The following IPCEF1 variants were observed in gnomAD, a reference collection of about 807,000 sequenced individuals.
IPCEF1 encodes the protein interactor protein for cytohesin exchange factors 1.
A neutral mutation model predicts 50.9 loss-of-function variants in IPCEF1; 31 were observed. The observed-to-expected ratio is 0.61, with a 90% CI of 0.46 to 0.82. The LOEUF (loss-of-function observed/expected upper bound fraction) is 0.82, where lower values mean the gene tolerates loss of function less well. Ranked by LOEUF, IPCEF1 falls within the 40% of genes least tolerant of loss-of-function variation. The pLI is 0.00. For missense variants in IPCEF1, 458 were observed against 514.0 expected (o/e 0.89, Z 1.05); for synonymous variants, 181 against 192.0 (o/e 0.94, Z 0.47).
chr6:154,196,263 C>G (rs779335678), intron 10 of IPCEF1, among the ~76,000 whole-genome samples: 1 of 152,150 alleles, frequency 6.6e-6, no homozygotes, highest in Non-Finnish European at 1.5e-5. Flanking sequence ...ATTCCAACAG[C>G]AACTCTCAAA....
intron 5 of IPCEF1, among the ~76,000 whole-genome samples, chr6:154,233,279 G>A (rs553628838): frequency 2.6e-5 from 4 of 152,250 alleles, no homozygotes; most frequent in East Asian, 3.9e-4. Flanking sequence ...TGAGCCATCC[G>A]ACTAGCTGTT....
At chr6:154,235,165 GAGA>G in intron 5 of IPCEF1, among the ~76,000 whole-genome samples, 1 of 152,306 alleles carries the variant, frequency 6.6e-6, no homozygotes, top group Non-Finnish European at 1.5e-5. Context: ...CACGAGTTGG[GAGA>G]AGAATAGATA....
At chr6:154,294,719 A>G (rs539426445) in intron 1 of IPCEF1, among the ~76,000 whole-genome samples, 3 of 152,102 alleles carry the variant, frequency 2.0e-5, no homozygotes, top group Non-Finnish European at 4.4e-5. Flanking sequence ...TTTTTGCCCA[A>G]TAAACCCTGC....
At chr6:154,324,010 A>C (rs568465834) in intron 1 of IPCEF1, among the ~76,000 whole-genome samples, 1 of 152,342 alleles carries the variant, frequency 6.6e-6, no homozygotes, top group African/African-American at 2.4e-5. Flanking sequence ...GATCACATTG[A>C]AAGTTTTGAA....
At chr6:154,352,184 T>A (rs1345081786) in intron 1 of IPCEF1, among the ~76,000 whole-genome samples, 1 of 152,088 alleles carries the variant, frequency 6.6e-6, no homozygotes, top group Non-Finnish European at 1.5e-5. Context: ...TAACTAAATG[T>A]AAATGTAAAC....
In IPCEF1 at chr6:154,231,970, T is replaced by C. The variant is rs117944458; in HGVS notation, c.247-8727A>G. ...CTGAAAGACTTAAGAACTTTGACTATACGTATTTCATGGCAAATAGGCTAA... is the reference window on the plus strand; with the variant it reads ...CTGAAAGACTTAAGAACTTTGACTACACGTATTTCATGGCAAATAGGCTAA... On this transcript the variant is annotated intron_variant, in intron 5 of 11. Transcript: ENST00000367220. 2.0e-3 allele frequency among the ~76,000 whole-genome samples: 299 copies of C among 152,362 alleles called. 1 individual carries two copies. Among genetic ancestry groups the C allele is most frequent in the Non-Finnish European group, 3.7e-3 (250 of 68,042 alleles).
chr6:154,265,479 C>T (rs979705369), intron 3 of IPCEF1, among the ~76,000 whole-genome samples: 5 of 151,472 alleles, frequency 3.3e-5, no homozygotes, highest in Non-Finnish European at 5.9e-5. Flanking sequence ...CAGAGTTTCA[C>T]CATGTTGGCC....
rs368847489 is a variant in IPCEF1, at chr6:154,168,133, A to C, written c.911-20T>G. The C allele has an allele frequency of 1.0e-5, 15 of 1,501,100 alleles. No individual in the cohort carries two copies. In the African/African-American group the frequency reaches 1.4e-4, roughly 14 times the overall value. The allele number at this position is 1,501,100 out of a possible 1,614,324, so 93.0% of individuals were successfully genotyped here. A position where few individuals can be genotyped will look rare whatever the true frequency, so the allele number is the denominator to read the frequency against. ...TCTCTTCTATTTGAAAAAAAAAAAG[A>C]AAGCAGTAACAATAAACCCAGTGAA... On this transcript the variant is annotated intron_variant, in intron 10 of 11. Coordinates refer to ENST00000367220, the MANE Select transcript of IPCEF1 (RefSeq NM_001130700.2). The surrounding 1 kb of genome is among the most constrained non-coding windows in gnomAD (Gnocchi z 4.1).
intron 8 of IPCEF1, among the ~76,000 whole-genome samples, 185 bp downstream of exon 8, chr6:154,214,033 C>T (rs1778182936): frequency 6.6e-6 from 1 of 152,186 alleles, no homozygotes; most frequent in Admixed American, 6.5e-5. Flanking sequence ...GCATGGGAAG[C>T]TCTATTCCAT....
chr6:154,237,903 A>G (rs1780265198), intron 5 of IPCEF1, among the ~76,000 whole-genome samples: 4 of 152,272 alleles, frequency 2.6e-5, no homozygotes, highest in East Asian at 1.9e-4. Context: ...ATAAATATCA[A>G]TTCAATATAT....
chr6:154,326,580 G>A (rs1404809706), intron 1 of IPCEF1, among the ~76,000 whole-genome samples: 2 of 152,130 alleles, frequency 1.3e-5, no homozygotes, highest in Admixed American at 1.3e-4. Context: ...CAAAAAAATG[G>A]AAAAACATTC....
chr6:154,162,569 T>A (rs1029463696), intron 11 of IPCEF1, among the ~76,000 whole-genome samples: 1 of 152,254 alleles, frequency 6.6e-6, no homozygotes, highest in African/African-American at 2.4e-5. Flanking sequence ...TGTGCTCCTA[T>A]GATACATTCT....
chr6:154,220,329 T>G (rs1300266915), intron 7 of IPCEF1, among the ~76,000 whole-genome samples: 3 of 152,124 alleles, frequency 2.0e-5, no homozygotes, highest in East Asian at 3.9e-4. Context: ...CCCTCTGATA[T>G]CTCCAATCAG....
At chr6:154,334,922 C>A (rs951436136) in intron 1 of IPCEF1, among the ~76,000 whole-genome samples, 2 of 152,166 alleles carry the variant, frequency 1.3e-5, no homozygotes, top group African/African-American at 2.4e-5. Context: ...CACTGTCTCA[C>A]CCAAAGCATA....
At chr6:154,240,332 G>C (rs954014659) in intron 5 of IPCEF1, among the ~76,000 whole-genome samples, 7 of 152,168 alleles carry the variant, frequency 4.6e-5, no homozygotes, top group South Asian at 4.2e-4. Context: ...GTTGTAGCTG[G>C]GGGAGAAAGA....
chr6:154,218,315 T>C (rs895550977), intron 7 of IPCEF1, among the ~76,000 whole-genome samples: 1 of 152,232 alleles, frequency 6.6e-6, no homozygotes, highest in Non-Finnish European at 1.5e-5. Context: ...CTCCCGTCTT[T>C]GCTGAGAAAC....
At chr6:154,232,153 T>C (rs1292530497) in intron 5 of IPCEF1, among the ~76,000 whole-genome samples, 4 of 152,136 alleles carry the variant, frequency 2.6e-5, no homozygotes, top group African/African-American at 9.7e-5. Flanking sequence ...GCCCCTTCCT[T>C]TCAGAAAAGG....
intron 2 of IPCEF1, among the ~76,000 whole-genome samples, chr6:154,283,817 A>G (rs568445175): frequency 6.6e-6 from 1 of 152,330 alleles, no homozygotes; most frequent in East Asian, 1.9e-4. Flanking sequence ...TCTGTATCCA[A>G]CCAAACATAC....
chr6:154,252,459 G>A (rs753164705), intron 3 of IPCEF1, among the ~76,000 whole-genome samples: 24 of 152,210 alleles, frequency 1.6e-4, no homozygotes, highest in Non-Finnish European at 2.6e-4. Context: ...GGCGGATCAC[G>A]AGATCAGGAG....
Sources: allele counts gnomAD v4.1 joint callset (sites outside exome capture counted in the v4.1 genomes callset), GRCh38; gene constraint gnomAD v4.1.1; non-coding constraint Gnocchi (gnomAD v3.1); transcripts MANE v1.5; gene names NCBI Gene and HGNC (gene_info 2026-07-23, HGNC 2026-07-21).